ADGRL3: variants seen among roughly 807,000 people sequenced by gnomAD.
ADGRL3 encodes calcium-independent alpha-latrotoxin receptor 3.
ADGRL3 carries 62 observed loss-of-function variants against 153.5 expected under a neutral mutation model. The observed-to-expected ratio is 0.40, with a 90% CI of 0.33 to 0.50. The LOEUF (loss-of-function observed/expected upper bound fraction) is 0.50, where lower values mean the gene tolerates loss of function less well. ADGRL3 is among the 20% of genes least tolerant of loss of function. The pLI, the probability that ADGRL3 is intolerant of heterozygous loss-of-function variation, is 0.47. For missense variants in ADGRL3, 1,641 were observed against 1,859.4 expected (o/e 0.88, Z 2.16); for synonymous variants, 710 against 672.5 (o/e 1.06, Z -0.86).
At chr4:61,234,675 G>A (rs1320871557) in intron 1 of ADGRL3, among the ~76,000 whole-genome samples, 1 of 152,078 alleles carries the variant, frequency 6.6e-6, no homozygotes, top group East Asian at 1.9e-4. Flanking sequence ...TAGAATAGAA[G>A]GAAAGAAAAT....
At chr4:61,428,946 A>G (rs1007265252) in intron 2 of ADGRL3, among the ~76,000 whole-genome samples, 2 of 147,746 alleles carry the variant, frequency 1.4e-5, no homozygotes, top group South Asian at 2.1e-4. Flanking sequence ...TCTATCTGTC[A>G]TTCCAGATAA....
chr4:61,363,978 A>T (rs1019986442), intron 1 of ADGRL3, among the ~76,000 whole-genome samples: 15 of 152,058 alleles, frequency 9.9e-5, no homozygotes, highest in African/African-American at 3.6e-4. Context: ...GTGATAAATA[A>T]TTGGTGGGCG....
chr4:61,516,173 GAT>G (rs1349032001), intron 3 of ADGRL3, among the ~76,000 whole-genome samples: 1 of 151,908 alleles, frequency 6.6e-6, no homozygotes, highest in African/African-American at 2.4e-5. Context: ...TTTTGGGAGG[GAT>G]ATGTTTTACA....
At chr4:61,882,936 C>T (rs2098517042) in intron 9 of ADGRL3, among the ~76,000 whole-genome samples, 1 of 152,212 alleles carries the variant, frequency 6.6e-6, no homozygotes, top group South Asian at 2.1e-4. Flanking sequence ...GAAACCCCGT[C>T]TCTACTAGAA....
chr4:61,651,871 TC>T (rs892530724), intron 5 of ADGRL3, among the ~76,000 whole-genome samples: 2 of 151,166 alleles, frequency 1.3e-5, no homozygotes, highest in African/African-American at 4.9e-5. Context: ...CTGCCTTGCC[TC>T]CCAAAGTGCT....
Position 62,031,666 on chromosome 4 carries a change from G to A in ADGRL3, c.3591+56G>A. On this transcript the variant is annotated intron_variant, in intron 23 of 26. Transcript: ENST00000683033. Reference sequence around the variant, plus strand: ...ATGGCATACATTTCATGATAGCAAAGCAGCCACAACATATTCTAATATATT... The same window carrying A: ...ATGGCATACATTTCATGATAGCAAAACAGCCACAACATATTCTAATATATT... The A allele has an allele frequency of 7.4e-6, 9 of 1,211,980 alleles. No individual in the cohort carries two copies. In the South Asian group the frequency reaches 1.1e-4, roughly 15 times the overall value. 75.1% of individuals were successfully genotyped at this position (1,211,980 alleles called of 1,614,324 possible).
chr4:61,769,729 G>A (rs1251578998), intron 8 of ADGRL3, among the ~76,000 whole-genome samples: 1 of 151,570 alleles, frequency 6.6e-6, no homozygotes, highest in Non-Finnish European at 1.5e-5. Context: ...TTGTTCTCTG[G>A]CGGGTAGGAG....
At chr4:61,312,656 G>A (rs1401623648) in intron 1 of ADGRL3, among the ~76,000 whole-genome samples, 1 of 152,044 alleles carries the variant, frequency 6.6e-6, no homozygotes, top group African/African-American at 2.4e-5. Flanking sequence ...ATGACATTAT[G>A]GAATTGCAAG....
In ADGRL3 at chr4:61,909,675, G is replaced by A. The variant is rs2098712704; in HGVS notation, c.2003G>A (p.Gly668Asp). The change falls in exon 12 of 27, where the codon GGC becomes GAC. Residue 668 changes from glycine to aspartate, a missense_variant. This residue lies in a region of ADGRL3 where 734 missense variants were observed against 797.0 expected (regional missense o/e 0.92). Coordinates refer to ENST00000683033, the MANE Select transcript of ADGRL3 (RefSeq NM_001387552.1). The part of the protein sequence containing the change: ...YSVRAMDQLV[G>D]LLDVQLRNLT... ...GTCCGGGCCATGGACCAGCTGGTAG[G>A]CCTCCTAGATGTACAGCTTCGGAAC... 9 of 1,606,146 alleles carry A rather than the reference G, an allele frequency of 5.6e-6. No homozygotes were observed. Among genetic ancestry groups the A allele is most frequent in the Non-Finnish European group, 7.7e-6 (9 of 1,176,104 alleles).
chr4:61,436,813 A>G (rs2097452354), intron 2 of ADGRL3, among the ~76,000 whole-genome samples: 2 of 152,140 alleles, frequency 1.3e-5, no homozygotes, highest in South Asian at 4.1e-4. Context: ...CATGTGAAAT[A>G]CAGGGTGGGA....
At chr4:61,691,550 A>G (rs2151133638) in intron 6 of ADGRL3, among the ~76,000 whole-genome samples, 1 of 152,262 alleles carries the variant, frequency 6.6e-6, no homozygotes, top group East Asian at 1.9e-4. Context: ...CCCTTACCTC[A>G]TGGTTACTTT....
intron 4 of ADGRL3, among the ~76,000 whole-genome samples, chr4:61,550,446 T>C (rs1402696526): frequency 6.6e-6 from 1 of 152,028 alleles, no homozygotes; most frequent in Non-Finnish European, 1.5e-5. Context: ...TGCTATGCCT[T>C]ATTTCTACCT....
chr4:61,692,820 T>G (rs2095565421), intron 6 of ADGRL3, among the ~76,000 whole-genome samples: 1 of 152,186 alleles, frequency 6.6e-6, no homozygotes, highest in African/African-American at 2.4e-5. Flanking sequence ...ATTACAATTT[T>G]TATTTTACTT....
chr4:61,552,728 C>G (rs2098745962), intron 4 of ADGRL3, among the ~76,000 whole-genome samples: 1 of 152,108 alleles, frequency 6.6e-6, no homozygotes, highest in African/African-American at 2.4e-5. Context: ...CTTGGCCTCC[C>G]AAGATGCTGG....
At chr4:61,663,873 T>A (rs960614690) in intron 5 of ADGRL3, among the ~76,000 whole-genome samples, 1 of 152,144 alleles carries the variant, frequency 6.6e-6, no homozygotes, top group Non-Finnish European at 1.5e-5. Flanking sequence ...AACCACAACT[T>A]TGAAAAAGAA....
intron 6 of ADGRL3, among the ~76,000 whole-genome samples, chr4:61,725,869 T>C (rs1188256156): frequency 1.3e-5 from 2 of 152,136 alleles, no homozygotes; most frequent in African/African-American, 2.4e-5. Flanking sequence ...CCTACCAAGG[T>C]TGACCTTGGT....
At chr4:61,652,768 A>C (rs369010632) in intron 5 of ADGRL3, among the ~76,000 whole-genome samples, 44 of 152,310 alleles carry the variant, frequency 2.9e-4, no homozygotes, top group African/African-American at 1.0e-3. Flanking sequence ...TCCCCCTGTA[A>C]GAACAGGTTT....
intron 1 of ADGRL3, among the ~76,000 whole-genome samples, chr4:61,223,261 G>C (rs868061442): frequency 6.6e-6 from 1 of 152,208 alleles, no homozygotes; most frequent in African/African-American, 2.4e-5. Flanking sequence ...GAGTGCCAAA[G>C]AAAAGGGTGA....
At chr4:61,304,372 A>T (rs1395309010) in intron 1 of ADGRL3, among the ~76,000 whole-genome samples, 1 of 152,182 alleles carries the variant, frequency 6.6e-6, no homozygotes, top group Non-Finnish European at 1.5e-5. Flanking sequence ...CTTTGTTTAT[A>T]TTATTGACTA....
Sources: allele counts gnomAD v4.1 joint callset (sites outside exome capture counted in the v4.1 genomes callset), GRCh38; gene constraint gnomAD v4.1.1; regional missense constraint gnomAD v4.1.1; transcripts MANE v1.5; gene names NCBI Gene and HGNC (gene_info 2026-07-23, HGNC 2026-07-21).